The following FAT1 variants were observed in gnomAD, a reference collection of about 807,000 sequenced individuals.
The protein encoded by FAT1 is protocadherin Fat 1.
A neutral mutation model predicts 329.8 loss-of-function variants in FAT1; 171 were observed. That is an observed-to-expected ratio of 0.52 (90% CI 0.46 to 0.59). FAT1 has a LOEUF of 0.59. Among genes scored for constraint, FAT1 ranks in the 20% least tolerant of loss-of-function variants. The pLI is 0.00. For missense variants in FAT1, 5,672 were observed against 5,774.4 expected, an observed-to-expected ratio of 0.98 and a Z score of 0.57; for synonymous variants, 2,233 against 2,228.6, an observed-to-expected ratio of 1.00 and a Z score of -0.06.
At chr4:186,675,297 C>G (rs912914609) in intron 2 of FAT1, among the ~76,000 whole-genome samples, 2 of 146,746 alleles carry the variant, frequency 1.4e-5, no homozygotes, top group African/African-American at 2.5e-5. Context: ...GGAAAGAAAT[C>G]TCATTAAGAA....
rs2126699721 is a variant in FAT1 at position 186,708,870 on chromosome 4, T to G, written c.958A>C (p.Ile320Leu). The G allele has an allele frequency of 6.2e-7, 1 of 1,613,986 alleles. No individual in the cohort carries two copies. Among genetic ancestry groups the G allele is most frequent in the East Asian group, 2.2e-5 (1 of 44,858 alleles). Residue 320 changes from isoleucine (I) to leucine (L), a missense_variant, in exon 2 of 27, where the codon ATC (isoleucine) becomes CTC (leucine). Physicochemically the swap from Ile to Leu is conservative, Grantham distance 5. Transcript: ENST00000441802. ...TGACTGTCCCAATCAATGCCACCGA[T>G]GGCTTTGACTTTATACTCCTTACTC... is the stretch of plus-strand genomic sequence containing the variant. ...PGSKEYKVKA[I>L]GGIDWDSHPF... is the part of the protein sequence containing the mutation.
intron 2 of FAT1, among the ~76,000 whole-genome samples, chr4:186,703,567 C>A (rs1039535602): frequency 6.6e-6 from 1 of 152,216 alleles, no homozygotes; most frequent in Admixed American, 6.5e-5. Context: ...CAAACAGTTA[C>A]GTGGACAGGT....
At chr4:186,649,497 T>C (rs1049247583) in intron 3 of FAT1, among the ~76,000 whole-genome samples, 11 of 152,290 alleles carry the variant, frequency 7.2e-5, no homozygotes, top group African/African-American at 2.2e-4. Flanking sequence ...GGATTTATGG[T>C]GGACCCTAAA....
At chr4:186,612,770 T>C (rs112990575) in intron 13 of FAT1, among the ~76,000 whole-genome samples, 20 of 152,318 alleles carry the variant, frequency 1.3e-4, no homozygotes, top group African/African-American at 4.3e-4. Flanking sequence ...TTTGCTTCCA[T>C]TATGTTGCAA....
chr4:186,699,830 G>A (rs376844577), intron 2 of FAT1, among the ~76,000 whole-genome samples: 3 of 152,118 alleles, frequency 2.0e-5, no homozygotes, highest in Admixed American at 1.3e-4. Context: ...GAACTAAATG[G>A]TAAGAAAATC....
chr4:186,706,851 T>C lies in FAT1; in HGVS notation c.2977A>G (p.Lys993Glu), dbSNP rs2126683559. 6.2e-7 allele frequency: 1 copy of C among 1,613,952 alleles called. No individual in the cohort carries two copies. Among genetic ancestry groups the C allele is most frequent in the South Asian group, 1.1e-5 (1 of 91,066 alleles). Reference protein sequence around the residue: ...VRIVQQLDFEKKQVYNLTVRA... With the variant: ...VRIVQQLDFEEKQVYNLTVRA... ...ACAGTGAGATTATACACTTGCTTCT[T>C]CTCAAAGTCCAACTGCTGGACGATC... Residue 993 changes from lysine to glutamate, a missense_variant, in exon 2 of 27, where the codon AAG (lysine) becomes GAG (glutamate). Lys to Glu is a moderately conservative substitution (Grantham distance 56). Coordinates refer to ENST00000441802, the MANE Select transcript of FAT1 (RefSeq NM_005245.4).
intron 7 of FAT1, among the ~76,000 whole-genome samples, chr4:186,630,076 T>C (rs2126548311): frequency 6.6e-6 from 1 of 152,322 alleles, no homozygotes; most frequent in Admixed American, 6.5e-5. Flanking sequence ...AACACACGGA[T>C]TGTGCGTTTC....
chr4:186,633,407 A>C (rs1740677849), intron 7 of FAT1, among the ~76,000 whole-genome samples: 1 of 152,222 alleles, frequency 6.6e-6, no homozygotes, highest in African/African-American at 2.4e-5. Flanking sequence ...AAATGAGTGT[A>C]AAATTCGAAG....
At chr4:186,595,987 G>C (rs1175572990) in intron 25 of FAT1, among the ~76,000 whole-genome samples, 161 bp from the exon 26 acceptor site, 2 of 152,048 alleles carry the variant, frequency 1.3e-5, no homozygotes, top group Admixed American at 6.6e-5. Flanking sequence ...CTCAAACGAA[G>C]AAATAAAAAA....
chr4:186,707,226 A>ATGTGTC lies in FAT1; in HGVS notation c.2596_2601dup (p.Asp866_Thr867dup). 1 of 1,613,868 alleles carries ATGTGTC rather than the reference A, an allele frequency of 6.2e-7. No individual in the cohort carries two copies. ...ACACCCGTCACGCTGTCAATTGAAA[A>ATGTGTC]TGTGTCTGTGTCTGTAACAATTGAG... On this transcript the variant is annotated inframe_insertion, in exon 2 of 27. Transcript: ENST00000441802.
At chr4:186,658,097 T>A (rs1326645552) in intron 3 of FAT1, among the ~76,000 whole-genome samples, 1 of 152,180 alleles carries the variant, frequency 6.6e-6, no homozygotes, top group East Asian at 1.9e-4. Flanking sequence ...AGAAGCACAT[T>A]TACCCTGTAA....
At chr4:186,651,113 TA>T (rs1741630492) in intron 3 of FAT1, among the ~76,000 whole-genome samples, 1 of 148,100 alleles carries the variant, frequency 6.8e-6, no homozygotes, top group African/African-American at 2.5e-5. Flanking sequence ...ATTCATAAAT[TA>T]ATAATTAACA....
chr4:186,636,155 C>T lies in FAT1; in HGVS notation c.4053G>A (p.Pro1351=), dbSNP rs535732260. The part of the protein sequence containing the change: ...LHIEWISKPK[P]SLEPISFEES... Reference sequence around the variant, plus strand: ...CTTCAAATGAAATGGGCTCCAGGGACGGTTTGGGCTTGGAGATCCATTCAA... The same window carrying T: ...CTTCAAATGAAATGGGCTCCAGGGATGGTTTGGGCTTGGAGATCCATTCAA... The change falls in exon 6 of 27, where the codon CCG becomes CCA. Residue 1351 remains proline (P), a synonymous_variant. Coordinates refer to ENST00000441802, the MANE Select transcript of FAT1 (RefSeq NM_005245.4). 48 of 1,613,906 alleles carry T rather than the reference C, an allele frequency of 3.0e-5. No individual in the cohort carries two copies. The highest frequency in any genetic ancestry group is 3.0e-4 in the South Asian group (27 of 91,074).
chr4:186,610,089 A>C, intron 14 of FAT1, 74 bp from the exon 15 acceptor site: 1 of 864,306 alleles, frequency 1.2e-6, no homozygotes, highest in Non-Finnish European at 1.9e-6. Flanking sequence ...GAAATAGATG[A>C]ATGCTTTTGA....
Position 186,617,689 on chromosome 4 carries a change from T to A in FAT1, c.8878+19A>T. ...ATCATTTTAAATTAATTAAACCGTT[T>A]GGTATGAATTTTTTTTACCTGTTAT... On this transcript the variant is annotated intron_variant, in intron 10 of 26. Transcript: ENST00000441802. 6.6e-7 allele frequency: 1 copy of A among 1,520,592 alleles called. No homozygotes were observed. The allele number at this position is 1,520,592 out of a possible 1,614,324, so 94.2% of individuals were successfully genotyped here.
chr4:186,651,411 G>A (rs781241281), intron 3 of FAT1, among the ~76,000 whole-genome samples: 27 of 152,136 alleles, frequency 1.8e-4, no homozygotes, highest in Non-Finnish European at 3.7e-4. Flanking sequence ...GAGCGGGAGT[G>A]ACAGAAACTA....
At chr4:186,612,129 T>TA (rs144312507) in intron 13 of FAT1, among the ~76,000 whole-genome samples, 36,921 of 149,520 alleles carry the variant, frequency 0.25, 5,438 homozygotes, top group Non-Finnish European at 0.33. Flanking sequence ...TTTTTTTTTT[T>TA]AAAAACCAAA....
At chr4:186,721,449 T>TA (rs1249848579) in intron 1 of FAT1, among the ~76,000 whole-genome samples, 8 of 152,214 alleles carry the variant, frequency 5.3e-5, no homozygotes, top group Non-Finnish European at 7.3e-5. Flanking sequence ...GACCAAAAGA[T>TA]AGAGTTTGGC....
chr4:186,619,746 A>G lies in FAT1; in HGVS notation c.6840T>C (p.Pro2280=). Reference sequence around the variant, plus strand: ...CATAAGACTGCTGAGCAAACACAGGAGGGTTATCATTGATGTCGTCTACTA... The same window carrying G: ...CATAAGACTGCTGAGCAAACACAGGGGGGTTATCATTGATGTCGTCTACTA... ...DIIVDDINDN[P]PVFAQQSYAV... The change falls in exon 10 of 27, where the codon CCT becomes CCC. Residue 2280 remains proline (P), a synonymous_variant. Transcript: ENST00000441802. 1 of 1,614,018 alleles carries G rather than the reference A, an allele frequency of 6.2e-7. No individual in the cohort carries two copies. The highest frequency in any genetic ancestry group is 1.1e-5 in the South Asian group (1 of 91,088).
Sources: allele counts gnomAD v4.1 joint callset (sites outside exome capture counted in the v4.1 genomes callset), GRCh38; gene constraint gnomAD v4.1.1; transcripts MANE v1.5; gene names NCBI Gene and HGNC (gene_info 2026-07-23, HGNC 2026-07-21).